Variants in TBC1D15 observed in about 807,000 individuals in gnomAD.
The protein encoded by TBC1D15 is GAP for RAB7.
In TBC1D15, 39 loss-of-function variants were observed where a neutral mutation model predicts 95.4. The observed-to-expected ratio is 0.41, with a 90% CI of 0.32 to 0.53. The LOEUF is 0.53. TBC1D15 is among the 20% of genes least tolerant of loss of function. The probability of loss-of-function intolerance (pLI) is 0.29; values close to 1 mark genes in which losing one functional copy is unlikely to be tolerated. For synonymous variants in TBC1D15, 258 were observed against 261.3 expected, an observed-to-expected ratio of 0.99 and a Z score of 0.12; for missense variants, 733 against 794.3, an observed-to-expected ratio of 0.92 and a Z score of 0.93.
chr12:71,923,271 A>G lies in TBC1D15; in HGVS notation c.*67A>G. On this transcript the variant is annotated 3_prime_UTR_variant, in exon 17 of 17. Coordinates refer to ENST00000485960, the MANE Select transcript of TBC1D15 (RefSeq NM_001146213.3). ...CCCTTTTTCAAGTACTTGAAAGTTG[A>G]AAATTTGAAATCTTGGTATTGATCA... 6.8e-7 allele frequency: 1 copy of G among 1,479,396 alleles called. No individual in the cohort carries two copies. The highest frequency in any genetic ancestry group is 1.2e-5 in the South Asian group (1 of 85,742). The allele number at this position is 1,479,396 out of a possible 1,614,324, so 91.6% of individuals were successfully genotyped here.
Position 71,839,769 on chromosome 12 carries a change from A to T in TBC1D15, c.-13A>T. 9 of 1,614,064 alleles carry T rather than the reference A, an allele frequency of 5.6e-6. No individual in the cohort carries two copies. Among genetic ancestry groups the T allele is most frequent in the Non-Finnish European group, 7.6e-6 (9 of 1,180,004 alleles). ...AGGTTCTGCTACGTCATTACCAGGCACGCGCAGGAAACATGGCGGCGGCGG... is the reference window on the plus strand; with the variant it reads ...AGGTTCTGCTACGTCATTACCAGGCTCGCGCAGGAAACATGGCGGCGGCGG... On this transcript the variant is annotated 5_prime_UTR_variant, in exon 1 of 17. Coordinates refer to ENST00000485960, the MANE Select transcript of TBC1D15 (RefSeq NM_001146213.3).
At chr12:71,898,479 A>G (rs770002832) in intron 10 of TBC1D15, among the ~76,000 whole-genome samples, 2 of 152,164 alleles carry the variant, frequency 1.3e-5, no homozygotes, top group Non-Finnish European at 2.9e-5. Context: ...ACCTGGGGAT[A>G]ACTATTCTCT....
At chr12:71,894,567 A>AC in intron 6 of TBC1D15, 119 bp from the exon 7 acceptor site, 3 of 1,090,480 alleles carry the variant, frequency 2.8e-6, no homozygotes, top group Non-Finnish European at 3.9e-6. Flanking sequence ...ATCTTAGAAC[A>AC]CTCTGTTTTA....
intron 1 of TBC1D15, among the ~76,000 whole-genome samples, chr12:71,871,549 A>G (rs767957726): frequency 7.2e-5 from 11 of 151,958 alleles, no homozygotes; most frequent in Non-Finnish European, 1.6e-4. Context: ...CGAGCTCAGT[A>G]TTTTCCTTAA....
At chr12:71,896,815 A>G (rs1188390334) in intron 9 of TBC1D15, 35 bp downstream of exon 9, 8 of 1,545,346 alleles carry the variant, frequency 5.2e-6, no homozygotes, top group Non-Finnish European at 7.1e-6. Context: ...TATCAAAGAG[A>G]TTCAAGTAAC....
chr12:71,896,533 CAAG>C (rs1436539039), intron 8 of TBC1D15, 141 bp from the exon 9 acceptor site: 1 of 683,318 alleles, frequency 1.5e-6, no homozygotes, highest in Non-Finnish European at 2.5e-6. Flanking sequence ...AAGTAAAAAA[CAAG>C]ATGATATTCA....
At chr12:71,874,477 T>C (rs1421577809) in intron 3 of TBC1D15, among the ~76,000 whole-genome samples, 1 of 152,190 alleles carries the variant, frequency 6.6e-6, no homozygotes, top group East Asian at 1.9e-4. Context: ...TTTTGGAAGT[T>C]TGTGGAATTT....
chr12:71,902,169 A>G (rs1369073469), intron 10 of TBC1D15, among the ~76,000 whole-genome samples: 2 of 152,214 alleles, frequency 1.3e-5, no homozygotes, highest in East Asian at 1.9e-4. Context: ...GCCCAAAGCT[A>G]TTTATAGATT....
chr12:71,923,295 C>A lies in TBC1D15; in HGVS notation c.*91C>A. The A allele has an allele frequency of 8.3e-7, 1 of 1,200,292 alleles. No homozygotes were observed. Among genetic ancestry groups the A allele is most frequent in the Non-Finnish European group, 1.2e-6 (1 of 827,834 alleles). 74.4% of individuals were successfully genotyped at this position (1,200,292 alleles called of 1,614,324 possible). ...GAAAATTTGAAATCTTGGTATTGAT[C>A]ATGCTTTAAGGTTTATGTAAAGAAA... On this transcript the variant is annotated 3_prime_UTR_variant, in exon 17 of 17. Transcript: ENST00000485960.
At chr12:71,854,497 A>C in intron 1 of TBC1D15, 1 of 450,884 alleles carries the variant, frequency 2.2e-6, no homozygotes. Flanking sequence ...TTTTCTCCCA[A>C]GATTTTACCA....
chr12:71,859,810 C>T (rs1037266820), intron 1 of TBC1D15, among the ~76,000 whole-genome samples: 5 of 152,108 alleles, frequency 3.3e-5, no homozygotes, highest in African/African-American at 1.2e-4. Flanking sequence ...GGGGTTTCAC[C>T]ATGTTGGCCA....
chr12:71,864,795 G>A (rs1388385222), intron 1 of TBC1D15, among the ~76,000 whole-genome samples: 4 of 152,174 alleles, frequency 2.6e-5, no homozygotes, highest in South Asian at 4.1e-4. Flanking sequence ...GTGAGCCACC[G>A]TGCCCGGCCT....
chr12:71,858,213 C>G (rs1351875502), intron 1 of TBC1D15, among the ~76,000 whole-genome samples: 1 of 152,074 alleles, frequency 6.6e-6, no homozygotes, highest in Non-Finnish European at 1.5e-5. Flanking sequence ...GCTGGAATTA[C>G]TGGCATGTAC....
chr12:71,874,850 T>G (rs1893458887), intron 3 of TBC1D15, among the ~76,000 whole-genome samples: 2 of 152,192 alleles, frequency 1.3e-5, no homozygotes, highest in Non-Finnish European at 2.9e-5. Flanking sequence ...CTCGAACTCC[T>G]GACCTGAGGT....
chr12:71,847,694 A>G (rs373193053), intron 1 of TBC1D15, among the ~76,000 whole-genome samples: 14 of 147,804 alleles, frequency 9.5e-5, no homozygotes, highest in African/African-American at 2.7e-4. Context: ...GACTGTCTCG[A>G]AAAAAAAACC....
At chr12:71,890,125 TGTTA>T (rs996549706) in intron 5 of TBC1D15, among the ~76,000 whole-genome samples, 52 of 152,320 alleles carry the variant, frequency 3.4e-4, no homozygotes, top group African/African-American at 1.2e-3. Context: ...CTCTTGTTCT[TGTTA>T]GTTAAGATTC....
intron 5 of TBC1D15, among the ~76,000 whole-genome samples, chr12:71,887,107 A>G (rs1325279174): frequency 6.6e-6 from 1 of 152,180 alleles, no homozygotes; most frequent in Admixed American, 6.5e-5. Flanking sequence ...CTTGAAAAAT[A>G]TGTGGTATTC....
intron 5 of TBC1D15, among the ~76,000 whole-genome samples, chr12:71,890,717 A>G (rs1208627749): frequency 1.3e-5 from 2 of 152,206 alleles, no homozygotes; most frequent in African/African-American, 2.4e-5. Flanking sequence ...TCAGTGCAAC[A>G]TAGGCCATCT....
chr12:71,858,892 T>A (rs1396604653), intron 1 of TBC1D15, among the ~76,000 whole-genome samples: 1 of 152,062 alleles, frequency 6.6e-6, no homozygotes, highest in Non-Finnish European at 1.5e-5. Context: ...TTCATACTGT[T>A]TTCAGTAGTG....
Sources: gnomAD v4.1 joint callset for allele counts (sites outside exome capture counted in the v4.1 genomes callset) on GRCh38, gnomAD v4.1.1 for gene constraint, MANE v1.5 for transcripts, NCBI Gene and HGNC (gene_info 2026-07-23, HGNC 2026-07-21) for gene names.